The following DPP6 variants were observed in gnomAD, a reference collection of about 807,000 sequenced individuals.
DPP6 encodes the protein dipeptidyl peptidase like 6.
A neutral mutation model predicts 122.6 loss-of-function variants in DPP6; 69 were observed. The observed-to-expected ratio is 0.56, with a 90% CI of 0.46 to 0.69. DPP6 has a LOEUF of 0.69. Ranked by LOEUF, DPP6 falls within the 30% of genes least tolerant of loss-of-function variation. The probability of loss-of-function intolerance (pLI) is 0.00; values close to 1 mark genes in which losing one functional copy is unlikely to be tolerated. For missense variants in DPP6, 928 were observed against 1,116.9 expected (o/e 0.83, Z 2.41); for synonymous variants, 418 against 433.1 (o/e 0.97, Z 0.43).
At chr7:154,499,710 A>G (rs1476480735) in intron 3 of DPP6, among the ~76,000 whole-genome samples, 1 of 152,146 alleles carries the variant, frequency 6.6e-6, no homozygotes, top group Admixed American at 6.5e-5. Flanking sequence ...GTAACAAGTC[A>G]TAGTGAATCT....
intron 1 of DPP6, among the ~76,000 whole-genome samples, chr7:154,158,801 G>T (rs1186483285): frequency 6.6e-6 from 1 of 152,002 alleles, no homozygotes; most frequent in Admixed American, 6.6e-5. Context: ...TTTCTCTGGA[G>T]CCCCCTCATT....
the DPP6 span, among the ~76,000 whole-genome samples, chr7:153,797,517 G>C: frequency 6.6e-6 from 1 of 152,094 alleles, no homozygotes; most frequent in African/African-American, 2.4e-5. Flanking sequence ...GTCAAAAACA[G>C]GAAGAATAAT....
intron 3 of DPP6, among the ~76,000 whole-genome samples, chr7:154,496,346 G>A (rs1053384822): frequency 4.6e-5 from 7 of 152,168 alleles, no homozygotes; most frequent in Non-Finnish European, 7.3e-5. Flanking sequence ...TGACATAAAA[G>A]CTATAAAAAT....
intron 1 of DPP6, among the ~76,000 whole-genome samples, chr7:154,144,950 C>T (rs1311877364): frequency 6.6e-6 from 1 of 151,570 alleles, no homozygotes; most frequent in Non-Finnish European, 1.5e-5. Flanking sequence ...TGTTAAGACT[C>T]CCAGTTATGG....
chr7:154,887,846 C>T (rs1435714054), intron 23 of DPP6, 112 bp downstream of exon 23: 1 of 1,245,956 alleles, frequency 8.0e-7, no homozygotes, highest in Non-Finnish European at 1.2e-6. Flanking sequence ...CCATGCTTCT[C>T]CCTCACCAGC....
rs150228429 is a variant in DPP6 at position 154,838,026 on chromosome 7, C to T, written c.1667-15754C>T. Among the ~76,000 whole-genome samples the T allele has an allele frequency of 1.7e-3, 262 of 152,256 alleles. 4 individuals carry two copies. The highest frequency in any genetic ancestry group is 0.015 in the Admixed American group (231 of 15,300). On this transcript the variant is annotated intron_variant, in intron 16 of 25. Coordinates refer to ENST00000377770, the MANE Select transcript of DPP6 (RefSeq NM_130797.4). ...TTTAGTTTAAAAACTGAGTAGGCAGCGTCTCCACTTGCAGGGCACTCCAGG... is the reference window on the plus strand; with the variant it reads ...TTTAGTTTAAAAACTGAGTAGGCAGTGTCTCCACTTGCAGGGCACTCCAGG...
chr7:154,640,716 A>G (rs1470793524), intron 6 of DPP6, among the ~76,000 whole-genome samples: 1 of 152,154 alleles, frequency 6.6e-6, no homozygotes, highest in Non-Finnish European at 1.5e-5. Flanking sequence ...AAGTCTGAGG[A>G]TCTAGGTGGG....
At chr7:154,091,944 G>A (rs1017133441) in intron 1 of DPP6, among the ~76,000 whole-genome samples, 2 of 152,188 alleles carry the variant, frequency 1.3e-5, no homozygotes, top group African/African-American at 2.4e-5. Context: ...ACATCACAGT[G>A]ATTGGGATGA....
At position 154,889,517 on chromosome 7, in the gene DPP6, A is replaced by G. The variant is rs370041738; in HGVS notation, c.2438A>G (p.Asn813Ser). ...ACACAACTAATTAGGGGAAAGGCTA[A>G]TTACAGCTTACAGGTACAGTACGCA... is the stretch of plus-strand genomic sequence containing the variant. ...LITQLIRGKA[N>S]YSLQIYPDES... The change falls in exon 25 of 26, where the codon AAT becomes AGT. Residue 813 changes from asparagine (N) to serine (S), a missense_variant. Transcript: ENST00000377770. 20 of 1,609,398 alleles carry G rather than the reference A, an allele frequency of 1.2e-5. No individual in the cohort carries two copies. The highest frequency in any genetic ancestry group is 1.4e-5 in the Non-Finnish European group (16 of 1,178,198).
the DPP6 span, among the ~76,000 whole-genome samples, chr7:153,805,966 T>G: frequency 6.6e-6 from 1 of 151,506 alleles, no homozygotes; most frequent in African/African-American, 2.4e-5. Context: ...CAAACCTGCA[T>G]GTTGTGCACA....
At chr7:154,703,708 C>A (rs564372915) in intron 7 of DPP6, among the ~76,000 whole-genome samples, 2 of 151,710 alleles carry the variant, frequency 1.3e-5, no homozygotes, top group Admixed American at 6.6e-5. Context: ...AAGGCCAAAG[C>A]GGGCAGATCA....
intron 1 of DPP6, among the ~76,000 whole-genome samples, chr7:153,976,948 C>T (rs1339726109): frequency 1.3e-5 from 2 of 152,184 alleles, no homozygotes; most frequent in Non-Finnish European, 2.9e-5. Flanking sequence ...ACCTCAGGGT[C>T]GGGGTGAGCC....
chr7:154,499,407 G>A (rs942461181), intron 3 of DPP6, among the ~76,000 whole-genome samples: 2 of 152,076 alleles, frequency 1.3e-5, no homozygotes, highest in East Asian at 1.9e-4. Flanking sequence ...CATATTCCAC[G>A]AGGCAAGTCT....
At chr7:154,749,507 T>G (rs1316159350) in intron 8 of DPP6, among the ~76,000 whole-genome samples, 43 of 138,684 alleles carry the variant, frequency 3.1e-4, no homozygotes, top group African/African-American at 1.1e-3. Flanking sequence ...ATGGAGGCTT[T>G]ACTGAGAGAG....
chr7:153,872,318 A>G, the DPP6 span, among the ~76,000 whole-genome samples: 1 of 152,188 alleles, frequency 6.6e-6, no homozygotes, highest in East Asian at 1.9e-4. Context: ...ATATACTGCT[A>G]TGGAAGGTGC....
At chr7:154,357,264 G>A (rs1490606735) in intron 1 of DPP6, among the ~76,000 whole-genome samples, 1 of 143,744 alleles carries the variant, frequency 7.0e-6, no homozygotes, top group South Asian at 2.1e-4. Flanking sequence ...TCTTTAGAAA[G>A]TAATGTGGGG....
At position 154,454,099 on chromosome 7, in the gene DPP6, A is replaced by G. The variant is rs144095792; in HGVS notation, c.358+7771A>G. 7.4e-3 allele frequency among the ~76,000 whole-genome samples: 1,129 copies of G among 152,200 alleles called. 17 individuals carry two copies. The highest frequency in any genetic ancestry group is 0.026 in the African/African-American group (1,069 of 41,530). On this transcript the variant is annotated intron_variant, in intron 2 of 25. Transcript: ENST00000377770. ...ATATTAAATTCATTCCACAAATTCA[A>G]TCTTGTTATATTCCATCTACTAACA...
At chr7:154,518,104 C>T (rs936726530) in intron 3 of DPP6, among the ~76,000 whole-genome samples, 1 of 152,188 alleles carries the variant, frequency 6.6e-6, no homozygotes, top group Admixed American at 6.5e-5. Flanking sequence ...ATGTCTTGTA[C>T]CGCAGAAGAC....
chr7:153,812,082 G>A, the DPP6 span, among the ~76,000 whole-genome samples: 2 of 152,072 alleles, frequency 1.3e-5, no homozygotes, highest in African/African-American at 4.8e-5. Flanking sequence ...TTTTCCACCG[G>A]ATCTCCGTGG....
Sources: allele counts gnomAD v4.1 joint callset (sites outside exome capture counted in the v4.1 genomes callset), GRCh38; gene constraint gnomAD v4.1.1; transcripts MANE v1.5; gene names NCBI Gene and HGNC (gene_info 2026-07-23, HGNC 2026-07-21).